Variants in MLIP observed in about 807,000 individuals in gnomAD.
MLIP encodes the protein muscular LMNA interacting protein, also known as muscular LMNA-interacting protein.
Under a neutral mutation model 84.8 loss-of-function variants are expected in MLIP, and 79 were observed. That is an observed-to-expected ratio of 0.93 (90% CI 0.78 to 1.12). The LOEUF is 1.12. Among genes scored for constraint, MLIP ranks in the 50% most tolerant of loss-of-function variants. MLIP has a pLI of 0.00. For synonymous variants in MLIP, 504 were observed against 463.0 expected, an observed-to-expected ratio of 1.09 and a Z score of -1.14; for missense variants, 1,257 against 1,160.6, an observed-to-expected ratio of 1.08 and a Z score of -1.21.
At chr6:54,177,732 G>C (rs561910565) in intron 9 of MLIP, among the ~76,000 whole-genome samples, 1 of 152,284 alleles carries the variant, frequency 6.6e-6, no homozygotes, top group African/African-American at 2.4e-5. Flanking sequence ...CTGTTATAAA[G>C]ACATATGCAA....
intron 1 of MLIP, among the ~76,000 whole-genome samples, chr6:54,115,692 G>A (rs898271402): frequency 5.9e-5 from 9 of 152,140 alleles, no homozygotes; most frequent in African/African-American, 1.2e-4. Context: ...ATACGGGTGT[G>A]GAAAGATGAC....
In MLIP at chr6:54,254,504, A is replaced by G. The variant is rs181737344; in HGVS notation, c.2923-2804A>G. Among the ~76,000 whole-genome samples, 10 of 151,930 alleles carry G rather than the reference A, an allele frequency of 6.6e-5. No individual in the cohort carries two copies. In the East Asian group the frequency reaches 1.7e-3, roughly 27 times the overall value. On this transcript the variant is annotated intron_variant, in intron 12 of 13. Coordinates refer to ENST00000502396, the MANE Select transcript of MLIP (RefSeq NM_001281747.2). Reference sequence around the variant, plus strand: ...CATACTGTGTGTTATTGTCCTCCCCATTTGACATCTCTAGTCCTCATGCAT... The same window carrying G: ...CATACTGTGTGTTATTGTCCTCCCCGTTTGACATCTCTAGTCCTCATGCAT...
At chr6:54,086,594 G>C (rs968195844) in intron 1 of MLIP, among the ~76,000 whole-genome samples, 2 of 152,126 alleles carry the variant, frequency 1.3e-5, no homozygotes, top group Non-Finnish European at 2.9e-5. Context: ...ATCTCACTCA[G>C]AATAAAAGCC....
In MLIP at chr6:54,266,019, T is replaced by A; in HGVS notation, c.*64T>A. 6.4e-7 allele frequency: 1 copy of A among 1,559,642 alleles called. No individual in the cohort carries two copies. Among genetic ancestry groups the A allele is most frequent in the Non-Finnish European group, 8.7e-7 (1 of 1,144,506 alleles). Reference sequence around the variant, plus strand: ...TTTTGGAATGCTGGTGCTAACCACTTGCTAGATTTAACTTTTTTTTTTTTT... The same window carrying A: ...TTTTGGAATGCTGGTGCTAACCACTAGCTAGATTTAACTTTTTTTTTTTTT... On this transcript the variant is annotated 3_prime_UTR_variant, in exon 14 of 14. Coordinates refer to ENST00000502396, the MANE Select transcript of MLIP (RefSeq NM_001281747.2).
intron 13 of MLIP, among the ~76,000 whole-genome samples, chr6:54,259,963 T>G (rs1783274923): frequency 6.6e-6 from 1 of 151,900 alleles, no homozygotes; most frequent in African/African-American, 2.4e-5. Context: ...TCTGTTCTTA[T>G]GACTATATGA....
intron 1 of MLIP, among the ~76,000 whole-genome samples, chr6:54,086,002 C>T (rs1481437781): frequency 6.6e-6 from 1 of 152,136 alleles, no homozygotes; most frequent in Non-Finnish European, 1.5e-5. Context: ...CCAGACCTGC[C>T]ATGACAGCCT....
intron 1 of MLIP, among the ~76,000 whole-genome samples, chr6:54,062,279 C>T (rs1055958089): frequency 2.6e-5 from 4 of 152,026 alleles, no homozygotes; most frequent in East Asian, 1.9e-4. Context: ...ACACATTTTC[C>T]GTTCATGATG....
At chr6:54,264,171 T>C (rs554621809) in intron 13 of MLIP, among the ~76,000 whole-genome samples, 186 of 152,174 alleles carry the variant, frequency 1.2e-3, no homozygotes, top group African/African-American at 4.4e-3. Flanking sequence ...GATCTGCCTA[T>C]GGTGCTTCAA....
rs186988178 is a variant in MLIP, at chr6:54,204,166, C to A, written c.2718+1933C>A. Among the ~76,000 whole-genome samples, 322 of 151,890 alleles carry A rather than the reference C, an allele frequency of 2.1e-3. 2 individuals are homozygous for A. Among genetic ancestry groups the A allele is most frequent in the African/African-American group, 7.4e-3 (306 of 41,422 alleles). ...TTTTTTTAGAAGGCATTGATATGAT[C>A]AAAAATGATAATTAGAGGCAATTAT... is the stretch of plus-strand genomic sequence containing the variant. On this transcript the variant is annotated intron_variant, in intron 11 of 13. Transcript: ENST00000502396.
chr6:54,032,402 C>T (rs1011035568), intron 1 of MLIP: 1 of 151,956 alleles, frequency 6.6e-6, no homozygotes, highest in Non-Finnish European at 1.5e-5. Context: ...CTACCAAAAT[C>T]CTGTGCTGAG....
intron 1 of MLIP, among the ~76,000 whole-genome samples, chr6:54,119,473 A>T (rs953733826): frequency 1.3e-5 from 2 of 152,200 alleles, no homozygotes; most frequent in Non-Finnish European, 2.9e-5. Flanking sequence ...TCATATGTAG[A>T]ATTTTTAAAA....
At chr6:54,054,949 T>G (rs1378074071) in intron 1 of MLIP, among the ~76,000 whole-genome samples, 2 of 151,892 alleles carry the variant, frequency 1.3e-5, no homozygotes, top group South Asian at 2.1e-4. Context: ...GTGCACTGGC[T>G]TGATCTCGGC....
At chr6:54,071,358 TATATTC>T (rs1381560598) in intron 1 of MLIP, among the ~76,000 whole-genome samples, 3 of 152,134 alleles carry the variant, frequency 2.0e-5, no homozygotes, top group African/African-American at 7.2e-5. Context: ...CTTCATAGGC[TATATTC>T]ATATTGCATA....
rs148764870 is a variant in MLIP at position 54,189,422 on chromosome 6, T to C, written c.2545-448T>C. Reference sequence around the variant, plus strand: ...TTCTCAAATCATAAAAACTTTGTTATGCTTTTCTTTTTATATAACAATACT... The same window carrying C: ...TTCTCAAATCATAAAAACTTTGTTACGCTTTTCTTTTTATATAACAATACT... On this transcript the variant is annotated intron_variant, in intron 9 of 13. Transcript: ENST00000502396. Among the ~76,000 whole-genome samples the C allele has an allele frequency of 2.0e-4, 31 of 152,368 alleles. No individual in the cohort carries two copies. In the East Asian group the frequency reaches 5.8e-3, roughly 28 times the overall value.
chr6:54,194,831 T>C (rs1778183060), intron 10 of MLIP, among the ~76,000 whole-genome samples: 1 of 151,738 alleles, frequency 6.6e-6, no homozygotes, highest in South Asian at 2.1e-4. Flanking sequence ...TGCGTGGTAA[T>C]AAGTGGTATA....
intron 13 of MLIP, among the ~76,000 whole-genome samples, chr6:54,265,183 C>T (rs1246009433): frequency 6.6e-6 from 1 of 152,078 alleles, no homozygotes; most frequent in South Asian, 2.1e-4. Flanking sequence ...GGTGTTATTC[C>T]GTCACATTGT....
intron 8 of MLIP, among the ~76,000 whole-genome samples, chr6:54,168,571 A>G (rs769420222): frequency 2.6e-5 from 4 of 151,864 alleles, no homozygotes; most frequent in East Asian, 3.9e-4. Flanking sequence ...CTGTTCACCA[A>G]TAAGTCCCAG....
At chr6:54,239,392 TACACACACACA>T (rs1562094797) in intron 12 of MLIP, among the ~76,000 whole-genome samples, 1 of 147,654 alleles carries the variant, frequency 6.8e-6, no homozygotes, top group African/African-American at 2.5e-5. Flanking sequence ...AATATATATA[TACACACACACA>T]TACACATATA....
At chr6:54,170,894 C>T (rs1310731523) in intron 9 of MLIP, among the ~76,000 whole-genome samples, 3 of 151,392 alleles carry the variant, frequency 2.0e-5, no homozygotes, top group Non-Finnish European at 4.4e-5. Context: ...TTCCTTGAGT[C>T]GTTAGTGGGT....
Sources: allele counts gnomAD v4.1 joint callset (sites outside exome capture counted in the v4.1 genomes callset), GRCh38; gene constraint gnomAD v4.1.1; transcripts MANE v1.5; gene names NCBI Gene and HGNC (gene_info 2026-07-23, HGNC 2026-07-21).